The following TMEM131L variants were observed in gnomAD, a reference collection of about 807,000 sequenced individuals.
The protein encoded by TMEM131L is transmembrane protein 131-like.
Under a neutral mutation model 192.2 loss-of-function variants are expected in TMEM131L, and 54 were observed. The observed-to-expected ratio is 0.28, with a 90% CI of 0.23 to 0.35. The LOEUF (loss-of-function observed/expected upper bound fraction) is 0.35. TMEM131L is among the 10% of genes least tolerant of loss of function. The pLI is 1.00. For missense variants in TMEM131L, 1,888 were observed against 1,972.9 expected (o/e 0.96, Z 0.82); for synonymous variants, 701 against 704.9 (o/e 0.99, Z 0.09).
chr4:153,526,282 AG>A (rs1267269693), intron 3 of TMEM131L, among the ~76,000 whole-genome samples: 1 of 152,178 alleles, frequency 6.6e-6, no homozygotes, highest in Non-Finnish European at 1.5e-5. Flanking sequence ...TCTCATCCAC[AG>A]GCCTCTCTTC....
intron 3 of TMEM131L, among the ~76,000 whole-genome samples, chr4:153,537,760 T>G (rs1436791541): frequency 2.0e-5 from 3 of 152,230 alleles, no homozygotes; most frequent in Non-Finnish European, 4.4e-5. Flanking sequence ...TGTCTGGGAA[T>G]GCAGCCCAGT....
At chr4:153,475,909 C>T (rs1354001461) in intron 3 of TMEM131L, among the ~76,000 whole-genome samples, 1 of 152,152 alleles carries the variant, frequency 6.6e-6, no homozygotes, top group East Asian at 1.9e-4. Flanking sequence ...TTGAGACGTC[C>T]TGGAACCAAT....
intron 3 of TMEM131L, among the ~76,000 whole-genome samples, chr4:153,484,050 G>A (rs1732135172): frequency 6.6e-6 from 1 of 152,130 alleles, no homozygotes; most frequent in African/African-American, 2.4e-5. Flanking sequence ...AGGCTCAAAG[G>A]AGAAATTTCC....
Position 153,467,076 on chromosome 4 carries a change from G to A in TMEM131L, c.125-135G>A, listed in dbSNP as rs1473999317. On this transcript the variant is annotated intron_variant, in intron 1 of 34. Coordinates refer to ENST00000409959, the MANE Select transcript of TMEM131L (RefSeq NM_001131007.2). ...TATTTTTATCCTTGGCTCGCCCCTGGGATGGCCTCTGTTCCCAGGAGGAAA... is the reference window on the plus strand; with the variant it reads ...TATTTTTATCCTTGGCTCGCCCCTGAGATGGCCTCTGTTCCCAGGAGGAAA... The A allele has an allele frequency of 4.7e-6, 4 of 851,516 alleles. No individual in the cohort carries two copies. The East Asian group carries it at 1.1e-4, about 23-fold the overall frequency. 52.7% of individuals were successfully genotyped at this position (851,516 alleles called of 1,614,324 possible).
intron 26 of TMEM131L, among the ~76,000 whole-genome samples, chr4:153,615,817 G>A (rs1356405786): frequency 6.6e-6 from 1 of 152,142 alleles, no homozygotes. Context: ...AGGAATAATG[G>A]TGCTGCCACT....
chr4:153,605,638 A>G (rs928994381), intron 25 of TMEM131L, among the ~76,000 whole-genome samples: 2 of 152,232 alleles, frequency 1.3e-5, no homozygotes, highest in African/African-American at 4.8e-5. Context: ...TACAAGCGTG[A>G]GCCACTGCTC....
intron 4 of TMEM131L, among the ~76,000 whole-genome samples, chr4:153,551,741 CT>C (rs1737639704): frequency 6.6e-6 from 1 of 152,054 alleles, no homozygotes; most frequent in African/African-American, 2.4e-5. Flanking sequence ...AGTTTGCCGA[CT>C]TTATAAAATT....
chr4:153,561,963 C>CAA (rs11384119), intron 7 of TMEM131L, among the ~76,000 whole-genome samples: 1,551 of 141,958 alleles, frequency 0.011, 20 homozygotes, highest in African/African-American at 0.03. Context: ...ATCTGAATAT[C>CAA]AAAAAAAAAA....
At chr4:153,566,916 G>A (rs375853443) in intron 7 of TMEM131L, among the ~76,000 whole-genome samples, 4 of 152,224 alleles carry the variant, frequency 2.6e-5, no homozygotes, top group East Asian at 3.9e-4. Context: ...TGCTTTCAGC[G>A]TGTGGTGTCA....
At chr4:153,529,808 T>A (rs75659987) in intron 3 of TMEM131L, among the ~76,000 whole-genome samples, 12,435 of 152,306 alleles carry the variant, frequency 0.082, 887 homozygotes, top group East Asian at 0.24. Flanking sequence ...TGTATTTGGC[T>A]TATGCCCATG....
At chr4:153,480,871 C>T (rs952851790) in intron 3 of TMEM131L, among the ~76,000 whole-genome samples, 4 of 152,134 alleles carry the variant, frequency 2.6e-5, no homozygotes, top group African/African-American at 9.7e-5. Flanking sequence ...TCTCGCTGTC[C>T]CCAGTTCCTG....
At chr4:153,541,233 G>C (rs189700536) in intron 3 of TMEM131L, among the ~76,000 whole-genome samples, 242 of 152,186 alleles carry the variant, frequency 1.6e-3, no homozygotes, top group Non-Finnish European at 3.0e-3. Flanking sequence ...TCTTTAATAG[G>C]GTTTTGCAAA....
At chr4:153,569,321 GT>G (rs1266936565) in intron 7 of TMEM131L, among the ~76,000 whole-genome samples, 1 of 152,062 alleles carries the variant, frequency 6.6e-6, no homozygotes, top group Non-Finnish European at 1.5e-5. Context: ...TGATTTCTTT[GT>G]TGACCCTCCT....
chr4:153,530,033 CTTT>C (rs35942570), intron 3 of TMEM131L, among the ~76,000 whole-genome samples: 4 of 140,844 alleles, frequency 2.8e-5, no homozygotes, highest in Non-Finnish European at 3.1e-5. Context: ...CTCTGTTGTC[CTTT>C]TTTTTTTTTT....
chr4:153,513,538 A>G (rs984653875), intron 3 of TMEM131L, among the ~76,000 whole-genome samples: 1 of 152,220 alleles, frequency 6.6e-6, no homozygotes, highest in Non-Finnish European at 1.5e-5. Flanking sequence ...GAGGTTGCAC[A>G]GAGCTGCAGA....
intron 2 of TMEM131L, among the ~76,000 whole-genome samples, chr4:153,469,957 A>C (rs1003164310): frequency 3.5e-5 from 5 of 142,636 alleles, no homozygotes; most frequent in East Asian, 2.0e-4. Flanking sequence ...AACAAACAAA[A>C]AAACCAGTAA....
intron 29 of TMEM131L, among the ~76,000 whole-genome samples, 185 bp from the exon 30 acceptor site, chr4:153,625,962 G>A (rs1459218295): frequency 6.6e-6 from 1 of 152,046 alleles, no homozygotes; most frequent in Non-Finnish European, 1.5e-5. Flanking sequence ...ATACCTAAAT[G>A]TTCATAATTG....
chr4:153,551,390 C>T (rs1042118203), intron 4 of TMEM131L, among the ~76,000 whole-genome samples: 1 of 150,928 alleles, frequency 6.6e-6, no homozygotes, highest in South Asian at 2.1e-4. Context: ...CGGAGTCTTG[C>T]ACTGTCACTT....
intron 3 of TMEM131L, among the ~76,000 whole-genome samples, chr4:153,543,101 A>G (rs929759861): frequency 6.6e-6 from 1 of 152,228 alleles, no homozygotes; most frequent in Non-Finnish European, 1.5e-5. Flanking sequence ...TTTTGGTTTA[A>G]TAATTGCTTT....
Sources: allele counts gnomAD v4.1 joint callset (sites outside exome capture counted in the v4.1 genomes callset), GRCh38; gene constraint gnomAD v4.1.1; transcripts MANE v1.5; gene names NCBI Gene and HGNC (gene_info 2026-07-23, HGNC 2026-07-21).